DYRK1A: variants seen among roughly 807,000 people sequenced by gnomAD.
DYRK1A encodes dual specificity tyrosine phosphorylation regulated kinase 1A, also known as dual specificity tyrosine-phosphorylation-regulated kinase 1A.
Under a neutral mutation model 79.7 loss-of-function variants are expected in DYRK1A, and 9 were observed. That is an observed-to-expected ratio of 0.11 (90% CI 0.07 to 0.20). DYRK1A has a LOEUF of 0.20. DYRK1A is among the 10% of genes least tolerant of loss of function. DYRK1A has a pLI of 1.00. For missense variants in DYRK1A, 622 were observed against 956.0 expected (o/e 0.65, Z 4.61); for synonymous variants, 349 against 329.7 (o/e 1.06, Z -0.63).
chr21:37,426,852 G>A (rs1439672870), intron 2 of DYRK1A, among the ~76,000 whole-genome samples: 5 of 149,282 alleles, frequency 3.3e-5, no homozygotes, highest in South Asian at 2.1e-4. Context: ...CCTGGGAGGC[G>A]GAGCTTGCAG....
rs536101464 is a variant in DYRK1A, at chr21:37,437,059, G to A, written c.10+16675G>A. Reference sequence around the variant, plus strand: ...TGATGTTTGAAGGCTACAGGGTGTGGAAGATGCTATACCAGTTGAAGATGG... The same window carrying A: ...TGATGTTTGAAGGCTACAGGGTGTGAAAGATGCTATACCAGTTGAAGATGG... On this transcript the variant is annotated intron_variant, in intron 2 of 11. Coordinates refer to ENST00000647188, the MANE Select transcript of DYRK1A (RefSeq NM_001347721.2). Among the ~76,000 whole-genome samples, 3 of 152,296 alleles carry A rather than the reference G, an allele frequency of 2.0e-5. No homozygotes were observed. In the East Asian group the frequency reaches 5.8e-4, roughly 29 times the overall value.
chr21:37,507,033 A>G (rs531619040), intron 11 of DYRK1A, among the ~76,000 whole-genome samples: 3 of 152,056 alleles, frequency 2.0e-5, no homozygotes, highest in Non-Finnish European at 4.4e-5. Context: ...ATTCTCTTTA[A>G]TAATAGTTTC....
In DYRK1A at chr21:37,389,038, TA is replaced by T. The variant is rs1156392946; in HGVS notation, c.-77+21421del. Among the ~76,000 whole-genome samples the T allele has an allele frequency of 7.5e-3, 1,078 of 142,926 alleles. 14 individuals carry two copies. Among genetic ancestry groups the T allele is most frequent in the African/African-American group, 0.026 (1,023 of 39,262 alleles). 93.8% of individuals were successfully genotyped at this position (142,926 alleles called of 152,430 possible). A position where few individuals can be genotyped will look rare whatever the true frequency, so the allele number is the denominator to read the frequency against. ...AGTGGCCAAAAAAAAGCTTTTAAAT[TA>T]AAAAAAAAAATTTTTTTTTTAAGAG... On this transcript the variant is annotated intron_variant, in intron 1 of 11. Coordinates refer to ENST00000647188, the MANE Select transcript of DYRK1A (RefSeq NM_001347721.2).
rs1282254113 is a variant in DYRK1A, at chr21:37,520,303, G to A, written c.*7772G>A. 2 of 148,526 alleles carry A rather than the reference G, an allele frequency of 1.3e-5. No homozygotes were observed. Among genetic ancestry groups the A allele is most frequent in the Non-Finnish European group, 3.0e-5 (2 of 67,714 alleles). 9.2% of individuals were successfully genotyped at this position (148,526 alleles called of 1,614,324 possible). ...GATGTAGATAGGAAGAGATGAGGGT[G>A]ACAGAAATCAGCTCTTAAGTTTATA... On this transcript the variant is annotated 3_prime_UTR_variant, in exon 12 of 12. Coordinates refer to ENST00000647188, the MANE Select transcript of DYRK1A (RefSeq NM_001347721.2).
intron 2 of DYRK1A, among the ~76,000 whole-genome samples, chr21:37,471,974 A>G (rs551523257): frequency 6.6e-6 from 1 of 152,302 alleles, no homozygotes; most frequent in Admixed American, 6.5e-5. Context: ...TTTATGGACC[A>G]AAGTGTTAAT....
At chr21:37,373,016 A>G (rs2049463507) in intron 1 of DYRK1A, among the ~76,000 whole-genome samples, 1 of 152,250 alleles carries the variant, frequency 6.6e-6, no homozygotes, top group Non-Finnish European at 1.5e-5. Flanking sequence ...CCATTTGGAC[A>G]GGAAGAAGTT....
chr21:37,437,424 T>TA (rs1203011804), intron 2 of DYRK1A, among the ~76,000 whole-genome samples: 2 of 152,108 alleles, frequency 1.3e-5, no homozygotes, highest in African/African-American at 4.8e-5. Context: ...TGATTGTACT[T>TA]AGAGTCAGGT....
chr21:37,411,858 TTC>T (rs2050252034), intron 1 of DYRK1A, among the ~76,000 whole-genome samples: 1 of 152,244 alleles, frequency 6.6e-6, no homozygotes, highest in Non-Finnish European at 1.5e-5. Context: ...ATAACTACTA[TTC>T]TCTTTTTGAA....
intron 2 of DYRK1A, among the ~76,000 whole-genome samples, chr21:37,459,631 A>G (rs1214024297): frequency 6.6e-6 from 1 of 152,206 alleles, no homozygotes; most frequent in Non-Finnish European, 1.5e-5. Flanking sequence ...ATACCCTGCT[A>G]GGAAGAAATT....
chr21:37,417,606 A>G lies in DYRK1A; in HGVS notation c.-76-2693A>G, dbSNP rs560549241. Among the ~76,000 whole-genome samples the G allele has an allele frequency of 6.5e-5, 8 of 123,642 alleles. No individual in the cohort carries two copies. In the South Asian group the frequency reaches 2.1e-3, roughly 32 times the overall value. 81.1% of individuals were successfully genotyped at this position (123,642 alleles called of 152,430 possible). A position where few individuals can be genotyped will look rare whatever the true frequency, so the allele number is the denominator to read the frequency against. On this transcript the variant is annotated intron_variant, in intron 1 of 11. Coordinates refer to ENST00000647188, the MANE Select transcript of DYRK1A (RefSeq NM_001347721.2). ...TATTAGGTGACTTGATTTCTCCCCA[A>G]CCCCTGCCTGTGGAATACAGACACC...
At chr21:37,382,818 C>G (rs575733281) in intron 1 of DYRK1A, among the ~76,000 whole-genome samples, 1 of 152,138 alleles carries the variant, frequency 6.6e-6, no homozygotes, top group South Asian at 2.1e-4. Flanking sequence ...AATAAAAAGC[C>G]TAAACAGTTA....
chr21:37,385,971 A>T (rs1251839551), intron 1 of DYRK1A, among the ~76,000 whole-genome samples: 1 of 152,154 alleles, frequency 6.6e-6, no homozygotes, highest in East Asian at 1.9e-4. Context: ...GCACCCGTTA[A>T]CATAGTTAGG....
intron 2 of DYRK1A, among the ~76,000 whole-genome samples, chr21:37,452,793 T>C (rs2051502567): frequency 6.7e-6 from 1 of 149,364 alleles, no homozygotes; most frequent in Non-Finnish European, 1.5e-5. Context: ...AGGATTCTTC[T>C]GTGCCCAGCA....
chr21:37,388,100 A>ATTTTTTTTTTTTTTTTTTTTTTT (rs34571307), intron 1 of DYRK1A, among the ~76,000 whole-genome samples: 1 of 116,638 alleles, frequency 8.6e-6, no homozygotes, highest in Non-Finnish European at 1.7e-5. Flanking sequence ...CTTCCCTTTG[A>ATTTTTTTTTTTTTTTTTTTTTTT]TTTTTTTTTT....
chr21:37,494,777 G>A (rs1042804223), intron 8 of DYRK1A, among the ~76,000 whole-genome samples: 4 of 151,732 alleles, frequency 2.6e-5, no homozygotes, highest in African/African-American at 4.8e-5. Context: ...GTGAAACCCC[G>A]TCTCTACTAA....
At chr21:37,455,650 C>T (rs2051612774) in intron 2 of DYRK1A, among the ~76,000 whole-genome samples, 1 of 152,020 alleles carries the variant, frequency 6.6e-6, no homozygotes, top group South Asian at 2.1e-4. Context: ...CTGACAATTC[C>T]CTCCTTAAGG....
chr21:37,424,431 A>G (rs1432271617), intron 2 of DYRK1A, among the ~76,000 whole-genome samples: 1 of 151,988 alleles, frequency 6.6e-6, no homozygotes, highest in Non-Finnish European at 1.5e-5. Context: ...TGTCCCCTAC[A>G]GTGTGGCACA....
chr21:37,501,583 T>G (rs999654721), intron 9 of DYRK1A: 4 of 152,242 alleles, frequency 2.6e-5, no homozygotes, highest in African/African-American at 2.4e-5. Flanking sequence ...TTTCTAGATG[T>G]CTTATTGAGT....
At chr21:37,472,904 T>G (rs776874582) in intron 3 of DYRK1A, 24 bp downstream of exon 3, 1 of 1,458,756 alleles carries the variant, frequency 6.9e-7, no homozygotes, top group Non-Finnish European at 9.2e-7. Flanking sequence ...GTATCAGAAA[T>G]GACTATTGGA....
Sources: allele counts gnomAD v4.1 joint callset (sites outside exome capture counted in the v4.1 genomes callset), GRCh38; gene constraint gnomAD v4.1.1; transcripts MANE v1.5; gene names NCBI Gene and HGNC (gene_info 2026-07-23, HGNC 2026-07-21).